MED12L: variants seen among roughly 807,000 people sequenced by gnomAD.
MED12L encodes mediator complex subunit 12L.
A neutral mutation model predicts 281.3 loss-of-function variants in MED12L; 60 were observed. The observed-to-expected ratio is 0.21, with a 90% CI of 0.17 to 0.26. The LOEUF (loss-of-function observed/expected upper bound fraction) is 0.26. MED12L is among the 10% of genes least tolerant of loss of function. MED12L has a pLI of 1.00. For missense variants in MED12L, 2,146 were observed against 2,680.9 expected, an observed-to-expected ratio of 0.80 and a Z score of 4.41; for synonymous variants, 974 against 987.2, an observed-to-expected ratio of 0.99 and a Z score of 0.25.
chr3:151,280,434 G>A (rs1742623981), intron 16 of MED12L, among the ~76,000 whole-genome samples: 1 of 152,172 alleles, frequency 6.6e-6, no homozygotes, highest in Non-Finnish European at 1.5e-5. Flanking sequence ...AATAGACAAG[G>A]AAACTGAGGC....
chr3:151,293,677 A>ACACACAC (rs200041934), intron 16 of MED12L, among the ~76,000 whole-genome samples: 1 of 121,350 alleles, frequency 8.2e-6, no homozygotes, highest in African/African-American at 3.8e-5. Flanking sequence ...ACACACACAC[A>ACACACAC]CCCTCTACCT....
chr3:151,321,098 T>C (rs570318798), intron 16 of MED12L, among the ~76,000 whole-genome samples: 18 of 152,234 alleles, frequency 1.2e-4, no homozygotes, highest in Non-Finnish European at 2.4e-4. Context: ...TGATGCATGG[T>C]GGAGTTGGAA....
chr3:151,353,488 G>C (rs1460583600), intron 17 of MED12L, among the ~76,000 whole-genome samples: 4 of 152,170 alleles, frequency 2.6e-5, no homozygotes, highest in Non-Finnish European at 5.9e-5. Flanking sequence ...AGTGGCACAA[G>C]CTTGTAACTT....
rs9857945 is a variant in MED12L, at chr3:151,434,161, T to G, written c.*1357T>G. ...TTTTCTTTTGCCATATGATTTTACA[T>G]ATAATATAGTCAAGCATACTGTGAA... On this transcript the variant is annotated 3_prime_UTR_variant, in exon 45 of 45. Transcript: ENST00000687756. 19,824 of 152,258 alleles carry G rather than the reference T, an allele frequency of 0.13. 1,654 individuals are homozygous for G. The highest frequency in any genetic ancestry group is 0.4 in the East Asian group (2,056 of 5,184). 9.4% of individuals were successfully genotyped at this position (152,258 alleles called of 1,614,324 possible).
rs1277313803 is a variant in MED12L at position 151,328,981 on chromosome 3, T to C, written c.2251-21078T>C. Reference sequence around the variant, plus strand: ...CAGATCTGTTGAAGCCTTGCATCACTGTGGTGTTCATTGCTTCCAGTGTCA... The same window carrying C: ...CAGATCTGTTGAAGCCTTGCATCACCGTGGTGTTCATTGCTTCCAGTGTCA... On this transcript the variant is annotated intron_variant, in intron 16 of 44. Coordinates refer to ENST00000687756, the MANE Select transcript of MED12L (RefSeq NM_001393769.1). 2.5e-6 allele frequency: 4 copies of C among 1,605,492 alleles called. No individual in the cohort carries two copies. The South Asian group carries it at 4.4e-5, about 18-fold the overall frequency.
chr3:151,130,049 T>A (rs1715146549), intron 5 of MED12L, among the ~76,000 whole-genome samples: 1 of 151,814 alleles, frequency 6.6e-6, no homozygotes, highest in African/African-American at 2.4e-5. Context: ...GATTACAGGG[T>A]GAGCCACTGC....
At chr3:151,213,570 G>A (rs1435163836) in intron 16 of MED12L, 11 of 1,614,034 alleles carry the variant, frequency 6.8e-6, no homozygotes. Context: ...TGGCAATATG[G>A]TAAGGTACAA....
intron 16 of MED12L, among the ~76,000 whole-genome samples, chr3:151,228,358 A>G (rs1730963569): frequency 2.0e-5 from 3 of 152,204 alleles, no homozygotes; most frequent in Admixed American, 2.0e-4. Context: ...TAAGAATCAA[A>G]TACCTGGTGT....
chr3:151,385,714 G>T (rs1194991690), intron 36 of MED12L, among the ~76,000 whole-genome samples: 4 of 59,484 alleles, frequency 6.7e-5, no homozygotes, highest in Non-Finnish European at 1.5e-4. Context: ...CCCTGTCTCT[G>T]GGGGGGGAAA....
chr3:151,271,453 T>C (rs928546983), intron 16 of MED12L, among the ~76,000 whole-genome samples: 13 of 152,208 alleles, frequency 8.5e-5, no homozygotes, highest in Non-Finnish European at 1.5e-4. Context: ...TCACTTCTTA[T>C]CAAGTTAAAC....
intron 16 of MED12L, among the ~76,000 whole-genome samples, chr3:151,281,270 C>T (rs1742771767): frequency 1.5e-5 from 2 of 137,738 alleles, no homozygotes; most frequent in African/African-American, 5.4e-5. Flanking sequence ...GTTAGCTGGG[C>T]ATGGTGGAGT....
chr3:151,273,227 CTTTTTTTTT>C (rs63035061), intron 16 of MED12L, among the ~76,000 whole-genome samples: 1 of 106,170 alleles, frequency 9.4e-6, no homozygotes, highest in Non-Finnish European at 1.9e-5. Context: ...TTGTTGTGTT[CTTTTTTTTT>C]TTTTTTTTTT....
intron 5 of MED12L, among the ~76,000 whole-genome samples, chr3:151,142,922 CT>C (rs1717258389): frequency 6.6e-6 from 1 of 151,936 alleles, no homozygotes; most frequent in African/African-American, 2.4e-5. Context: ...GCTCTAAAGC[CT>C]GATTCAAATC....
In MED12L at chr3:151,337,577, G is replaced by A. The variant is rs572511612; in HGVS notation, c.2251-12482G>A. ...TTCTGTGTAGTTTTGCATGCAGCAT[G>A]ACAATTGGATGTCGTTTGTTTTGCT... On this transcript the variant is annotated intron_variant, in intron 16 of 44. Coordinates refer to ENST00000687756, the MANE Select transcript of MED12L (RefSeq NM_001393769.1). The A allele has an allele frequency of 2.6e-4, 123 of 480,970 alleles. No homozygotes were observed. In the East Asian group the frequency reaches 3.7e-3, roughly 15 times the overall value. The allele number at this position is 480,970 out of a possible 1,614,324, so 29.8% of individuals were successfully genotyped here. A position where few individuals can be genotyped will look rare whatever the true frequency, so the allele number is the denominator to read the frequency against.
In MED12L at chr3:151,337,785, A is replaced by C. The variant is rs556365877; in HGVS notation, c.2251-12274A>C. 4 of 1,605,718 alleles carry C rather than the reference A, an allele frequency of 2.5e-6. No homozygotes were observed. In the South Asian group the frequency reaches 4.4e-5, roughly 18 times the overall value. On this transcript the variant is annotated intron_variant, in intron 16 of 44. Transcript: ENST00000687756. ...TTTGCTTTAACGAGTTCTGAACACA[A>C]AGAGATTGAAATATTTCCTTAGTTA...
At chr3:151,191,923 A>C (rs2149100943) in intron 14 of MED12L, among the ~76,000 whole-genome samples, 1 of 152,294 alleles carries the variant, frequency 6.6e-6, no homozygotes, top group African/African-American at 2.4e-5. Context: ...AAACAAAAAA[A>C]AAAAAAACAC....
chr3:151,251,018 T>G (rs1043253370), intron 16 of MED12L, among the ~76,000 whole-genome samples: 1 of 152,208 alleles, frequency 6.6e-6, no homozygotes, highest in Non-Finnish European at 1.5e-5. Context: ...TTGATGATGA[T>G]TCTCTCTGTG....
At chr3:151,418,230 C>T (rs1717848135) in intron 43 of MED12L, among the ~76,000 whole-genome samples, 1 of 149,986 alleles carries the variant, frequency 6.7e-6, no homozygotes, top group Non-Finnish European at 1.5e-5. Context: ...AGTACTTTCA[C>T]TTTTTTTTTT....
intron 16 of MED12L, among the ~76,000 whole-genome samples, chr3:151,195,469 G>A (rs1163120018): frequency 6.6e-6 from 1 of 151,692 alleles, no homozygotes; most frequent in Non-Finnish European, 1.5e-5. Context: ...CTATGTCCAG[G>A]GATATGTCAA....
Sources: allele counts gnomAD v4.1 joint callset (sites outside exome capture counted in the v4.1 genomes callset), GRCh38; gene constraint gnomAD v4.1.1; transcripts MANE v1.5; gene names NCBI Gene and HGNC (gene_info 2026-07-23, HGNC 2026-07-21).